The following VPS13B variants were observed in gnomAD, a reference collection of about 807,000 sequenced individuals.
VPS13B encodes the protein vacuolar protein sorting 13 homolog B.
VPS13B carries 285 observed loss-of-function variants against 426.4 expected under a neutral mutation model. The ratio of observed to expected loss-of-function variants is 0.67; its 90% CI spans 0.61 to 0.74. VPS13B has a LOEUF of 0.74. Ranked by LOEUF, VPS13B falls within the 30% of genes least tolerant of loss-of-function variation. VPS13B has a pLI of 0.00. For synonymous variants in VPS13B, 1,676 were observed against 1,676.4 expected (o/e 1.00, Z 0.01); for missense variants, 4,537 against 4,782.6 (o/e 0.95, Z 1.51).
At chr8:99,691,014 A>G (rs898711880) in intron 35 of VPS13B, among the ~76,000 whole-genome samples, 3 of 152,240 alleles carry the variant, frequency 2.0e-5, no homozygotes, top group African/African-American at 4.8e-5. Context: ...TTATGTTGTA[A>G]TACTGTTCAG....
intron 51 of VPS13B, among the ~76,000 whole-genome samples, chr8:99,824,927 A>G (rs1266766790): frequency 1.3e-5 from 2 of 152,202 alleles, no homozygotes; most frequent in Non-Finnish European, 2.9e-5. Flanking sequence ...TTATTTCTGC[A>G]TAGTGTTCTA....
intron 61 of VPS13B, among the ~76,000 whole-genome samples, chr8:99,874,090 A>T (rs1243223342): frequency 6.6e-6 from 1 of 152,200 alleles, no homozygotes; most frequent in Non-Finnish European, 1.5e-5. Context: ...AGGGGTAATA[A>T]CTGCTTAATA....
intron 3 of VPS13B, among the ~76,000 whole-genome samples, chr8:99,046,877 C>G (rs1295405829): frequency 6.6e-6 from 1 of 152,076 alleles, no homozygotes; most frequent in Non-Finnish European, 1.5e-5. Flanking sequence ...GGTATGAAAC[C>G]CACTTGATCA....
At chr8:99,263,850 T>A (rs1818173121) in intron 17 of VPS13B, among the ~76,000 whole-genome samples, 1 of 152,206 alleles carries the variant, frequency 6.6e-6, no homozygotes, top group African/African-American at 2.4e-5. Context: ...TTATTCTGTC[T>A]GTCATAGAGG....
intron 19 of VPS13B, among the ~76,000 whole-genome samples, chr8:99,335,735 GC>G (rs1343433660): frequency 6.6e-6 from 1 of 152,118 alleles, no homozygotes; most frequent in Admixed American, 6.5e-5. Flanking sequence ...CAAACAGAGA[GC>G]CAAATCATGA....
At position 99,859,295 on chromosome 8, in the gene VPS13B, G is replaced by T. The variant is rs1418679308; in HGVS notation, c.10868-9G>T. On this transcript the variant is annotated splice_polypyrimidine_tract_variant and intron_variant, in intron 56 of 61. Coordinates refer to ENST00000357162, the MANE Select transcript of VPS13B (RefSeq NM_152564.5). ...GTTTCAATCACCCCTTCCCTCTTGT[G>T]CGTTGCAGGCTGGGTAGTTGGGTCT... 6 of 1,613,142 alleles carry T rather than the reference G, an allele frequency of 3.7e-6. No homozygotes were observed. The African/African-American group carries it at 8.0e-5, about 22-fold the overall frequency.
chr8:99,697,715 T>C (rs1588633917), intron 35 of VPS13B: 1 of 628,464 alleles, frequency 1.6e-6, no homozygotes, highest in Non-Finnish European at 3.0e-6. Context: ...GACCAGGGCC[T>C]GCAAGCTGGG....
At chr8:99,298,254 C>T (rs1443037584) in intron 19 of VPS13B, among the ~76,000 whole-genome samples, 3 of 152,070 alleles carry the variant, frequency 2.0e-5, no homozygotes, top group Admixed American at 6.6e-5. Flanking sequence ...TTTGCGAGGC[C>T]GAGGTGGGTG....
At chr8:99,751,815 T>C (rs181991472) in intron 39 of VPS13B, among the ~76,000 whole-genome samples, 2 of 152,294 alleles carry the variant, frequency 1.3e-5, no homozygotes, top group East Asian at 3.9e-4. Context: ...AGATGAAACA[T>C]AGTTCTTTAC....
intron 23 of VPS13B, among the ~76,000 whole-genome samples, chr8:99,444,633 G>A (rs1193445693): frequency 2.0e-5 from 3 of 151,746 alleles, no homozygotes; most frequent in African/African-American, 7.3e-5. Context: ...TTTCGTGCTG[G>A]TTGGCCATTT....
Position 99,571,431 on chromosome 8 carries a change from C to T in VPS13B, c.4950-4227C>T, listed in dbSNP as rs557355719. On this transcript the variant is annotated intron_variant, in intron 31 of 61. Transcript: ENST00000357162. The stretch of plus-strand genomic sequence containing the variant: ...ACCAGAGATATCATAAAACTTAATA[C>T]TATATACCAGAAAAATAATAGTTTT... Among the ~76,000 whole-genome samples the T allele has an allele frequency of 2.7e-4, 41 of 152,084 alleles. 1 individual carries two copies. The highest frequency in any genetic ancestry group is 9.9e-4 in the African/African-American group (41 of 41,508).
At chr8:99,467,110 C>G (rs1252235941) in intron 23 of VPS13B, among the ~76,000 whole-genome samples, 1 of 152,080 alleles carries the variant, frequency 6.6e-6, no homozygotes, top group Non-Finnish European at 1.5e-5. Context: ...GGTTTGCATA[C>G]GTCCCCAACA....
At chr8:99,404,235 A>G (rs1248689547) in intron 21 of VPS13B, among the ~76,000 whole-genome samples, 1 of 152,240 alleles carries the variant, frequency 6.6e-6, no homozygotes, top group Non-Finnish European at 1.5e-5. Context: ...TTTCAAATAT[A>G]GAGTTCTTTG....
At chr8:99,373,542 A>C (rs550341412) in intron 19 of VPS13B, among the ~76,000 whole-genome samples, 1 of 152,192 alleles carries the variant, frequency 6.6e-6, no homozygotes, top group Non-Finnish European at 1.5e-5. Context: ...CATAAGTCAG[A>C]TAGAAGGAGA....
chr8:99,831,839 C>T (rs1815080614), intron 51 of VPS13B, among the ~76,000 whole-genome samples: 1 of 152,166 alleles, frequency 6.6e-6, no homozygotes, highest in South Asian at 2.1e-4. Context: ...CTTGAGCATC[C>T]GTGGTATTCT....
intron 34 of VPS13B, among the ~76,000 whole-genome samples, chr8:99,655,611 A>G (rs1829993887): frequency 6.6e-6 from 1 of 152,124 alleles, no homozygotes; most frequent in African/African-American, 2.4e-5. Context: ...CCTGCTTCCT[A>G]GCCTTCCAAA....
At chr8:99,176,001 G>A (rs1357101322) in intron 16 of VPS13B, among the ~76,000 whole-genome samples, 3 of 152,126 alleles carry the variant, frequency 2.0e-5, no homozygotes, top group Non-Finnish European at 1.5e-5. Flanking sequence ...GCTGTGTGAT[G>A]GTAAGCATCT....
At chr8:99,610,378 G>A (rs1382347713) in intron 33 of VPS13B, among the ~76,000 whole-genome samples, 1 of 152,116 alleles carries the variant, frequency 6.6e-6, no homozygotes, top group Non-Finnish European at 1.5e-5. Context: ...AAGAAAACGT[G>A]GCACATGTAC....
chr8:99,773,534 G>A (rs766639777), intron 40 of VPS13B, among the ~76,000 whole-genome samples: 2 of 152,066 alleles, frequency 1.3e-5, no homozygotes, highest in Non-Finnish European at 2.9e-5. Context: ...AGGTCACTCA[G>A]GACAGTTGGT....
Sources: gnomAD v4.1 joint callset for allele counts (sites outside exome capture counted in the v4.1 genomes callset) on GRCh38, gnomAD v4.1.1 for gene constraint, MANE v1.5 for transcripts, NCBI Gene and HGNC (gene_info 2026-07-23, HGNC 2026-07-21) for gene names.